Variants in LRRTM3 observed in about 807,000 individuals in gnomAD.
LRRTM3 encodes leucine rich repeat transmembrane neuronal 3.
LRRTM3 carries 24 observed loss-of-function variants against 44.7 expected under a neutral mutation model. The observed-to-expected ratio is 0.54, with a 90% CI of 0.39 to 0.76. The LOEUF is 0.76. LRRTM3 is among the 30% of genes least tolerant of loss of function. LRRTM3 has a pLI of 0.00. For missense variants in LRRTM3, 587 were observed against 702.2 expected (o/e 0.84, Z 1.85); for synonymous variants, 277 against 278.7 (o/e 0.99, Z 0.06).
chr10:66,973,671 T>C (rs1016870374), intron 2 of LRRTM3, among the ~76,000 whole-genome samples: 13 of 152,216 alleles, frequency 8.5e-5, no homozygotes, highest in African/African-American at 3.1e-4. Flanking sequence ...TCACCCCAGC[T>C]GGAGTACAGT....
At chr10:66,996,202 G>A (rs1179753876) in intron 2 of LRRTM3, among the ~76,000 whole-genome samples, 1 of 152,146 alleles carries the variant, frequency 6.6e-6, no homozygotes, top group African/African-American at 2.4e-5. Flanking sequence ...CAAGGAGACT[G>A]ATATTATATA....
In LRRTM3 at chr10:66,964,790, G is replaced by A. The variant is rs532133505; in HGVS notation, c.1536+36338G>A. ...GAGGGAAAAGGGAGGAGATAAAGCA[G>A]ATGAGAGGCAGACTGCAAACCCATC... On this transcript the variant is annotated intron_variant, in intron 2 of 2. Coordinates refer to ENST00000361320, the MANE Select transcript of LRRTM3 (RefSeq NM_178011.5). Among the ~76,000 whole-genome samples, 17 of 152,302 alleles carry A rather than the reference G, an allele frequency of 1.1e-4. No individual in the cohort carries two copies. In the South Asian group the frequency reaches 3.5e-3, roughly 32 times the overall value.
chr10:66,926,171 G>C lies in LRRTM3; in HGVS notation c.-413G>C, dbSNP rs7902006. On this transcript the variant is annotated 5_prime_UTR_variant, in exon 1 of 3. Coordinates refer to ENST00000361320, the MANE Select transcript of LRRTM3 (RefSeq NM_178011.5). ...GGTGCTCATCACGGGAACTGCTGGG[G>C]TATGGAATACAGATGTGGCAGCTCA... 0.9 allele frequency: 419,739 copies of C among 464,352 alleles called. 190,243 individuals carry two copies. Among genetic ancestry groups the C allele is most frequent in the East Asian group, 0.99 (14,723 of 14,828 alleles). 28.8% of individuals were successfully genotyped at this position (464,352 alleles called of 1,614,324 possible). A position where few individuals can be genotyped will look rare whatever the true frequency, so the allele number is the denominator to read the frequency against.
At position 67,100,585 on chromosome 10, in the gene LRRTM3, T is replaced by A. The variant is rs1858281895; in HGVS notation, c.*2789T>A. ...TCCTTCTAACCCCCATTCCTATGTC[T>A]CCCTTCCTGTCTATTCCTCACCGAT... On this transcript the variant is annotated 3_prime_UTR_variant, in exon 3 of 3. Transcript: ENST00000361320. 6.6e-6 allele frequency among the ~76,000 whole-genome samples: 1 copy of A among 151,664 alleles called. No homozygotes were observed. The highest frequency in any genetic ancestry group is 2.1e-4 in the South Asian group (1 of 4,824).
chr10:66,928,557 C>A, intron 2 of LRRTM3, 105 bp downstream of exon 2: 1 of 1,017,862 alleles, frequency 9.8e-7, no homozygotes, highest in Non-Finnish European at 1.4e-6. Context: ...CCCTCCCCTT[C>A]CCTCTCCCTC....
intron 2 of LRRTM3, among the ~76,000 whole-genome samples, chr10:67,031,431 T>A (rs1853720422): frequency 6.6e-6 from 1 of 152,202 alleles, no homozygotes; most frequent in South Asian, 2.1e-4. Context: ...CTATACATTG[T>A]GCTTATCACT....
intron 2 of LRRTM3, among the ~76,000 whole-genome samples, chr10:67,046,620 C>T (rs1392203725): frequency 1.3e-5 from 2 of 151,010 alleles, no homozygotes; most frequent in African/African-American, 4.9e-5. Flanking sequence ...AATAAGACTT[C>T]AGGAAAAAAA....
intron 2 of LRRTM3, among the ~76,000 whole-genome samples, chr10:66,982,655 T>A (rs911038142): frequency 3.9e-5 from 6 of 152,066 alleles, no homozygotes; most frequent in Non-Finnish European, 7.4e-5. Context: ...TGAGGTTATA[T>A]AAAATAGAAT....
intron 2 of LRRTM3, among the ~76,000 whole-genome samples, chr10:66,972,158 ATAG>A (rs990039271): frequency 3.9e-5 from 6 of 152,164 alleles, no homozygotes; most frequent in African/African-American, 1.4e-4. Context: ...TTAACAACAT[ATAG>A]TCAATTTATT....
chr10:67,004,593 C>T (rs745339561), intron 2 of LRRTM3, among the ~76,000 whole-genome samples: 7 of 152,036 alleles, frequency 4.6e-5, no homozygotes, highest in Admixed American at 2.0e-4. Flanking sequence ...AACCTTGATC[C>T]GTTCTAATAG....
chr10:66,931,767 G>GAATT (rs1190635259), intron 2 of LRRTM3, among the ~76,000 whole-genome samples: 1 of 152,152 alleles, frequency 6.6e-6, no homozygotes, highest in Non-Finnish European at 1.5e-5. Context: ...AGAGGCCATA[G>GAATT]AATTGGTACT....
At chr10:67,062,968 GT>G (rs1003203724) in intron 2 of LRRTM3, among the ~76,000 whole-genome samples, 1 of 151,730 alleles carries the variant, frequency 6.6e-6, no homozygotes, top group Non-Finnish European at 1.5e-5. Flanking sequence ...AGAGTTAATC[GT>G]TTTGTTTTTT....
intron 2 of LRRTM3, among the ~76,000 whole-genome samples, chr10:66,978,552 A>AAAAAAATATATATATATAT: frequency 1.3e-4 from 5 of 37,882 alleles, no homozygotes; most frequent in Non-Finnish European, 1.5e-4. Flanking sequence ...AAAAAAAAAA[A>AAAAAAATATATATATATAT]ATATATATAT....
intron 2 of LRRTM3, among the ~76,000 whole-genome samples, chr10:67,054,110 C>T (rs1325080370): frequency 2.0e-5 from 3 of 152,112 alleles, no homozygotes; most frequent in African/African-American, 7.2e-5. Flanking sequence ...GTATCCATCG[C>T]TCCTTTATAA....
intron 2 of LRRTM3, among the ~76,000 whole-genome samples, chr10:67,000,691 A>T (rs1426821234): frequency 1.3e-5 from 2 of 152,206 alleles, no homozygotes; most frequent in Non-Finnish European, 2.9e-5. Flanking sequence ...ATATGAATTC[A>T]ATAGAAGAAA....
chr10:67,061,523 G>A (rs1288619251), intron 2 of LRRTM3, among the ~76,000 whole-genome samples: 3 of 152,064 alleles, frequency 2.0e-5, no homozygotes, highest in Non-Finnish European at 2.9e-5. Flanking sequence ...CTGGAGTGGA[G>A]GCTGCACTTC....
chr10:67,004,063 A>AT (rs1178179516), intron 2 of LRRTM3, among the ~76,000 whole-genome samples: 1 of 152,048 alleles, frequency 6.6e-6, no homozygotes, highest in Non-Finnish European at 1.5e-5. Flanking sequence ...CTCACCTAAC[A>AT]TAAATAACTT....
chr10:67,038,058 C>T lies in LRRTM3; in HGVS notation c.1537-59529C>T, dbSNP rs148571086. Among the ~76,000 whole-genome samples the T allele has an allele frequency of 8.9e-4, 135 of 152,134 alleles. 1 individual carries two copies. The highest frequency in any genetic ancestry group is 3.1e-3 in the African/African-American group (128 of 41,514). On this transcript the variant is annotated intron_variant, in intron 2 of 2. Transcript: ENST00000361320. ...CTAATAATATTGTTGACTGTGTCCA[C>T]CTGTAGTGGCAAACTTGATGTGATT...
At chr10:67,057,165 T>C (rs906699628) in intron 2 of LRRTM3, among the ~76,000 whole-genome samples, 3 of 152,164 alleles carry the variant, frequency 2.0e-5, no homozygotes, top group Admixed American at 6.6e-5. Context: ...AATTGACAAA[T>C]AGAAAGAGTT....
Sources: allele counts gnomAD v4.1 joint callset (sites outside exome capture counted in the v4.1 genomes callset), GRCh38; gene constraint gnomAD v4.1.1; transcripts MANE v1.5; gene names NCBI Gene and HGNC (gene_info 2026-07-23, HGNC 2026-07-21).